C14orf132: variants seen among roughly 807,000 people sequenced by gnomAD.
C14orf132 encodes the protein chromosome 14 open reading frame 132, also known as uncharacterized protein C14orf132.
C14orf132 carries 6 observed loss-of-function variants against 5.8 expected under a neutral mutation model. That is an observed-to-expected ratio of 1.03 (90% CI 0.57 to 2.04). The LOEUF (loss-of-function observed/expected upper bound fraction) is 2.04. Among genes scored for constraint, C14orf132 ranks in the 30% most tolerant of loss-of-function variants. The pLI is 0.00. For missense variants in C14orf132, 125 were observed against 115.8 expected, an observed-to-expected ratio of 1.08 and a Z score of -0.37; for synonymous variants, 51 against 49.8, an observed-to-expected ratio of 1.02 and a Z score of -0.10.
At chr14:96,060,430 G>C (rs137929611) in intron 1 of C14orf132, among the ~76,000 whole-genome samples, 1 of 152,328 alleles carries the variant, frequency 6.6e-6, no homozygotes, top group African/African-American at 2.4e-5. Flanking sequence ...AGCCAAGTGA[G>C]CTGCGATGTG....
At chr14:96,056,827 C>T (rs892517137) in intron 1 of C14orf132, among the ~76,000 whole-genome samples, 8 of 152,172 alleles carry the variant, frequency 5.3e-5, no homozygotes, top group African/African-American at 1.9e-4. Context: ...AATTTATCTG[C>T]ACCTCACCTG....
At position 96,092,438 on chromosome 14, in the gene C14orf132, G is replaced by A. The variant is rs1888440078; in HGVS notation, c.*5703G>A. On this transcript the variant is annotated 3_prime_UTR_variant, in exon 2 of 2. Transcript: ENST00000555004. ...ACAGCATATTTGCAGGGAATTTGCA[G>A]GCCTCGATTATTGGGGGAATCAGAG... is the stretch of plus-strand genomic sequence containing the variant. The A allele has an allele frequency of 6.6e-6, 1 of 152,188 alleles. No homozygotes were observed. The highest frequency in any genetic ancestry group is 2.4e-5 in the African/African-American group (1 of 41,428). The allele number at this position is 152,188 out of a possible 1,614,324, so 9.4% of individuals were successfully genotyped here. A position where few individuals can be genotyped will look rare whatever the true frequency, so the allele number is the denominator to read the frequency against.
Position 96,039,593 on chromosome 14 carries a change from C to T in C14orf132, c.27+66C>T. 2 of 1,435,250 alleles carry T rather than the reference C, an allele frequency of 1.4e-6. No homozygotes were observed. The highest frequency in any genetic ancestry group is 1.8e-6 in the Non-Finnish European group (2 of 1,083,942). 88.9% of individuals were successfully genotyped at this position (1,435,250 alleles called of 1,614,324 possible). On this transcript the variant is annotated intron_variant, in intron 1 of 1. Coordinates refer to ENST00000555004, the MANE Select transcript of C14orf132 (RefSeq NM_001252507.3). The surrounding 1 kb of genome is among the most constrained non-coding windows in gnomAD (Gnocchi z 5.3). The stretch of plus-strand genomic sequence containing the variant: ...TTGGGGAGGTTCGGGGCCACGGTCT[C>T]GCCCTCCACGCTGGGGCTGGGCAGT...
At chr14:96,071,306 C>T (rs1887701112) in intron 1 of C14orf132, among the ~76,000 whole-genome samples, 1 of 152,080 alleles carries the variant, frequency 6.6e-6, no homozygotes, top group African/African-American at 2.4e-5. Context: ...CCCCGTGATC[C>T]AATTACCCCC....
In C14orf132 at chr14:96,090,934, A is replaced by G. The variant is rs1298183933; in HGVS notation, c.*4199A>G. 2.2e-6 allele frequency: 1 copy of G among 456,000 alleles called. No individual in the cohort carries two copies. The highest frequency in any genetic ancestry group is 2.0e-5 in the African/African-American group (1 of 50,090). The allele number at this position is 456,000 out of a possible 1,614,324, so 28.2% of individuals were successfully genotyped here. A position where few individuals can be genotyped will look rare whatever the true frequency, so the allele number is the denominator to read the frequency against. ...AGCATCATCTGCCTTCATTATTAGC[A>G]GTAATATTATTCCCAGTTATTATTC... On this transcript the variant is annotated 3_prime_UTR_variant, in exon 2 of 2. Coordinates refer to ENST00000555004, the MANE Select transcript of C14orf132 (RefSeq NM_001252507.3).
intron 1 of C14orf132, among the ~76,000 whole-genome samples, chr14:96,084,179 C>G (rs769785042): frequency 1.3e-5 from 2 of 152,210 alleles, no homozygotes; most frequent in Non-Finnish European, 2.9e-5. Flanking sequence ...AGACATCTGT[C>G]TGAGCAGCCA....
chr14:96,040,374 C>A, intron 1 of C14orf132: 1 of 398,492 alleles, frequency 2.5e-6, no homozygotes, highest in Non-Finnish European at 4.4e-6. Flanking sequence ...GAGAGTAAGT[C>A]CCAATCTACC....
Position 96,049,649 on chromosome 14 carries a change from T to TAGAGAG in C14orf132, c.27+10123_27+10124insGAGAGA, listed in dbSNP as rs1479426721. Among the ~76,000 whole-genome samples the TAGAGAG allele has an allele frequency of 1.8e-3, 142 of 79,626 alleles. 15 individuals are homozygous for TAGAGAG. Among genetic ancestry groups the TAGAGAG allele is most frequent in the Middle Eastern group, 7.0e-3 (1 of 142 alleles). The allele number at this position is 79,626 out of a possible 152,430, so 52.2% of individuals were successfully genotyped here. A position where few individuals can be genotyped will look rare whatever the true frequency, so the allele number is the denominator to read the frequency against. ...ATATATACATATATACGTATATATA[T>TAGAGAG]ATATAGAGAGAGAGAGAGAGAGAGT... On this transcript the variant is annotated intron_variant, in intron 1 of 1. Transcript: ENST00000555004.
chr14:96,046,161 A>G lies in C14orf132; in HGVS notation c.27+6634A>G, dbSNP rs142906117. 2.3e-3 allele frequency among the ~76,000 whole-genome samples: 353 copies of G among 152,312 alleles called. 2 individuals are homozygous for G. Among genetic ancestry groups the G allele is most frequent in the Middle Eastern group, 6.8e-3 (2 of 294 alleles). On this transcript the variant is annotated intron_variant, in intron 1 of 1. Transcript: ENST00000555004. ...GCCTAGAAGTCCCAGAATGTCATTA[A>G]CACTACATTCTTTTAGTCAAGAAAG...
intron 1 of C14orf132, among the ~76,000 whole-genome samples, chr14:96,043,791 T>C (rs560355299): frequency 4.7e-4 from 71 of 152,250 alleles, no homozygotes; most frequent in African/African-American, 1.5e-3. Context: ...ACTCATGTGG[T>C]CACTGGAAGT....
chr14:96,062,366 C>A lies in C14orf132; in HGVS notation c.27+22839C>A, dbSNP rs550037036. ...CCCCTAGTCCTCTTTCACCCTCAAC[C>A]ATGAGATGAGCATCACCAGCTCCAA... On this transcript the variant is annotated intron_variant, in intron 1 of 1. Coordinates refer to ENST00000555004, the MANE Select transcript of C14orf132 (RefSeq NM_001252507.3). 1.1e-4 allele frequency among the ~76,000 whole-genome samples: 16 copies of A among 152,238 alleles called. No homozygotes were observed. The South Asian group carries it at 2.7e-3, about 26-fold the overall frequency.
chr14:96,044,932 C>A (rs961572781), intron 1 of C14orf132, among the ~76,000 whole-genome samples: 1 of 152,216 alleles, frequency 6.6e-6, no homozygotes, highest in Non-Finnish European at 1.5e-5. Flanking sequence ...AGGATTAGAA[C>A]TTCATTCTAC....
chr14:96,050,766 C>T (rs746886503), intron 1 of C14orf132, among the ~76,000 whole-genome samples: 13 of 151,992 alleles, frequency 8.6e-5, no homozygotes, highest in Non-Finnish European at 4.4e-5. Context: ...GCTCATCTTG[C>T]CAATTTCCCA....
chr14:96,074,469 A>G (rs1887801635), intron 1 of C14orf132, among the ~76,000 whole-genome samples: 1 of 151,684 alleles, frequency 6.6e-6, no homozygotes, highest in Non-Finnish European at 1.5e-5. Context: ...TTCTCTTAAC[A>G]TATTTTTCTA....
Position 96,049,602 on chromosome 14 carries a change from A to ATATATG in C14orf132, c.27+10080_27+10081insGTATAT, listed in dbSNP as rs1566823827. Among the ~76,000 whole-genome samples, 75 of 116,388 alleles carry ATATATG rather than the reference A, an allele frequency of 6.4e-4. 3 individuals carry two copies. The highest frequency in any genetic ancestry group is 1.0e-3 in the Non-Finnish European group (60 of 57,234). The allele number at this position is 116,388 out of a possible 152,430, so 76.4% of individuals were successfully genotyped here. On this transcript the variant is annotated intron_variant, in intron 1 of 1. Coordinates refer to ENST00000555004, the MANE Select transcript of C14orf132 (RefSeq NM_001252507.3). ...TACGTATATATATACATATATACGT[A>ATATATG]TATATATACATATATACGTATATAT...
chr14:96,043,942 G>C (rs1340915864), intron 1 of C14orf132, among the ~76,000 whole-genome samples: 7 of 152,194 alleles, frequency 4.6e-5, no homozygotes, highest in African/African-American at 1.7e-4. Flanking sequence ...TGAGGTGGGT[G>C]CCTTTATTAT....
rs987474373 is a variant in C14orf132 at position 96,042,355 on chromosome 14, A to G, written c.27+2828A>G. 7.9e-5 allele frequency among the ~76,000 whole-genome samples: 12 copies of G among 152,302 alleles called. 1 individual carries two copies. Among genetic ancestry groups the G allele is most frequent in the East Asian group, 3.9e-4 (2 of 5,184 alleles). On this transcript the variant is annotated intron_variant, in intron 1 of 1. Coordinates refer to ENST00000555004, the MANE Select transcript of C14orf132 (RefSeq NM_001252507.3). ...CAGTAAGGCAGTGGGAGCCATTGCA[A>G]GTTATTGAGCAGGAGAATGGCATAT...
chr14:96,069,217 T>C (rs60837770), intron 1 of C14orf132, among the ~76,000 whole-genome samples: 1 of 93,486 alleles, frequency 1.1e-5, no homozygotes, highest in Non-Finnish European at 2.3e-5. Context: ...TTGGTTCTGT[T>C]TATGTTCACA....
At chr14:96,045,193 GC>G (rs2139641867) in intron 1 of C14orf132, among the ~76,000 whole-genome samples, 1 of 152,332 alleles carries the variant, frequency 6.6e-6, no homozygotes, top group Admixed American at 6.5e-5. Context: ...TAAGGGATGT[GC>G]CTCAGAGCCT....
Sources: allele counts gnomAD v4.1 joint callset (sites outside exome capture counted in the v4.1 genomes callset), GRCh38; gene constraint gnomAD v4.1.1; non-coding constraint Gnocchi (gnomAD v3.1); transcripts MANE v1.5; gene names NCBI Gene and HGNC (gene_info 2026-07-23, HGNC 2026-07-21).